The following NTMT1 variants were observed in gnomAD, a reference collection of about 807,000 sequenced individuals.
NTMT1 encodes the protein N-terminal Xaa-Pro-Lys N-methyltransferase 1.
NTMT1 carries 8 observed loss-of-function variants against 17.5 expected under a neutral mutation model. That is an observed-to-expected ratio of 0.46 (90% CI 0.27 to 0.82). The LOEUF is 0.82. NTMT1 is among the 40% of genes least tolerant of loss of function. NTMT1 has a pLI of 0.15. For synonymous variants in NTMT1, 128 were observed against 126.8 expected (o/e 1.01, Z -0.06); for missense variants, 221 against 303.5 (o/e 0.73, Z 2.02).
chr9:129,612,950 C>T (rs1264410865), intron 1 of NTMT1, among the ~76,000 whole-genome samples: 1 of 152,172 alleles, frequency 6.6e-6, no homozygotes, highest in African/African-American at 2.4e-5. Context: ...GATGCAGGAA[C>T]ACAGGGCGTG....
In NTMT1 at chr9:129,613,174, T is replaced by G; in HGVS notation, c.-55+3996T>G. ...GCTTCGCGGCCTCTGAGCAGCGGCC[T>G]TCTTCCATGAACAGAAGGGCAGGCT... On this transcript the variant is annotated intron_variant, in intron 1 of 3. Transcript: ENST00000372486. This position sits in a 1 kb window ranked among gnomAD's most constrained non-coding sequence, Gnocchi z 6.2. The G allele has an allele frequency of 6.2e-7, 1 of 1,613,722 alleles. No individual in the cohort carries two copies. The highest frequency in any genetic ancestry group is 8.5e-7 in the Non-Finnish European group (1 of 1,180,000).
Position 129,620,547 on chromosome 9 carries a change from C to G in NTMT1, c.-55+11369C>G. Reference sequence around the variant, plus strand: ...AGCCCCTTGGGCGCCAGGTCCTGGGCCCCTGGGCGAAGTCGACGCCAGAAC... The same window carrying G: ...AGCCCCTTGGGCGCCAGGTCCTGGGGCCCTGGGCGAAGTCGACGCCAGAAC... On this transcript the variant is annotated intron_variant, in intron 1 of 3. Coordinates refer to the NTMT1 transcript ENST00000372486. The surrounding 1 kb of genome is among the most constrained non-coding windows in gnomAD (Gnocchi z 5.8). 1 of 1,402,500 alleles carries G rather than the reference C, an allele frequency of 7.1e-7. No individual in the cohort carries two copies. The allele number at this position is 1,402,500 out of a possible 1,614,324, so 86.9% of individuals were successfully genotyped here.
At chr9:129,626,034 A>G (rs1197331085), upstream of NTMT1, 1 of 152,018 alleles carries the variant, frequency 6.6e-6, no homozygotes, top group Non-Finnish European at 1.5e-5. Context: ...AAAAAAATTT[A>G]AATTATTTTT....
At chr9:129,610,399 C>G (rs1205943520) in intron 1 of NTMT1, among the ~76,000 whole-genome samples, 2 of 151,852 alleles carry the variant, frequency 1.3e-5, no homozygotes, top group Non-Finnish European at 2.9e-5. Context: ...CACGCGGACT[C>G]CGGCTTCAGT....
rs1830655576 is a variant in NTMT1 at position 129,620,632 on chromosome 9, C to T, written c.-55+11454C>T. 5.5e-6 allele frequency: 7 copies of T among 1,277,336 alleles called. No individual in the cohort carries two copies. In the East Asian group the frequency reaches 2.1e-4, roughly 38 times the overall value. The allele number at this position is 1,277,336 out of a possible 1,614,324, so 79.1% of individuals were successfully genotyped here. A position where few individuals can be genotyped will look rare whatever the true frequency, so the allele number is the denominator to read the frequency against. On this transcript the variant is annotated intron_variant, in intron 1 of 3. Transcript: ENST00000372486. This position sits in a 1 kb window ranked among gnomAD's most constrained non-coding sequence, Gnocchi z 5.8. ...AGCGCGCGTGGGTGGGGGGCGCCGG[C>T]TGAGGTGGGGAGGGCATAGTCCAGC...
In NTMT1 at chr9:129,613,015, C is replaced by G; in HGVS notation, c.-55+3837C>G. The G allele has an allele frequency of 6.5e-7, 1 of 1,539,516 alleles. No individual in the cohort carries two copies. The highest frequency in any genetic ancestry group is 8.8e-7 in the Non-Finnish European group (1 of 1,135,800). On this transcript the variant is annotated intron_variant, in intron 1 of 3. Transcript: ENST00000372486. The surrounding 1 kb of genome is among the most constrained non-coding windows in gnomAD (Gnocchi z 6.2). ...TCTCAGGGAGGGTCCACTCCCAGCC[C>G]CAGCCACTCCACCAAACAGGGCTGC...
chr9:129,626,956 CG>C (rs1318945130), intron 1 of NTMT1, among the ~76,000 whole-genome samples: 5 of 152,142 alleles, frequency 3.3e-5, no homozygotes, highest in Admixed American at 1.3e-4. Flanking sequence ...GCCCTGACAG[CG>C]GGGAGGGACA....
chr9:129,613,200 G>C lies in NTMT1; in HGVS notation c.-55+4022G>C. ...TCTTCCATGAACAGAAGGGCAGGCT[G>C]CTGTTCATGGAGGTGTCCTCAGAAA... On this transcript the variant is annotated intron_variant, in intron 1 of 3. Coordinates refer to the NTMT1 transcript ENST00000372486. This position sits in a 1 kb window ranked among gnomAD's most constrained non-coding sequence, Gnocchi z 6.2. 1 of 1,613,554 alleles carries C rather than the reference G, an allele frequency of 6.2e-7. No homozygotes were observed. Among genetic ancestry groups the C allele is most frequent in the Non-Finnish European group, 8.5e-7 (1 of 1,179,986 alleles).
chr9:129,610,620 C>A (rs561462527), intron 1 of NTMT1, among the ~76,000 whole-genome samples: 2 of 151,974 alleles, frequency 1.3e-5, no homozygotes, highest in African/African-American at 4.8e-5. Flanking sequence ...GCGCGAGCGC[C>A]GCGCGAGGGG....
intron 1 of NTMT1, chr9:129,612,226 T>TG: frequency 2.6e-6 from 2 of 762,292 alleles, no homozygotes; most frequent in Non-Finnish European, 4.3e-6. Context: ...CAGAAAGGCT[T>TG]GTGGTGTGAC....
chr9:129,632,783 T>C lies in NTMT1; in HGVS notation c.80T>C (p.Val27Ala). ...TACTGGAAACAAATCCCACCCACGG[T>C]GGACGGCATGCTTGGGGGGTATGGC... ...KTYWKQIPPT[V>A]DGMLGGYGHI... is the part of the protein sequence containing the mutation. Residue 27 changes from valine (V) to alanine (A), a missense_variant, in exon 2 of 4, where the codon GTG (valine) becomes GCG (alanine). Coordinates refer to ENST00000372483, the MANE Select transcript of NTMT1 (RefSeq NM_014064.4). The C allele has an allele frequency of 6.2e-7, 1 of 1,614,186 alleles. No individual in the cohort carries two copies. The highest frequency in any genetic ancestry group is 1.1e-5 in the South Asian group (1 of 91,084).
chr9:129,610,770 G>T (rs976859470), intron 1 of NTMT1, among the ~76,000 whole-genome samples: 174 of 152,298 alleles, frequency 1.1e-3, no homozygotes, highest in African/African-American at 4.1e-3. Context: ...CGCGACCCTT[G>T]GGGTAAACTG....
At chr9:129,630,914 A>T (rs1277683608) in intron 1 of NTMT1, among the ~76,000 whole-genome samples, 1 of 151,946 alleles carries the variant, frequency 6.6e-6, no homozygotes. Flanking sequence ...TGCCATTCTC[A>T]CTCTGCCTCC....
chr9:129,632,615 C>G (rs1050541755), intron 1 of NTMT1, 35 bp from the exon 2 acceptor site: 15 of 1,529,380 alleles, frequency 9.8e-6, no homozygotes, highest in Non-Finnish European at 1.3e-5. Context: ...TGCCAGGTCC[C>G]TGGCCCGCTG....
At chr9:129,621,262 C>G (rs1379121868), upstream of NTMT1, among the ~76,000 whole-genome samples, 1 of 152,214 alleles carries the variant, frequency 6.6e-6, no homozygotes, top group Non-Finnish European at 1.5e-5. Context: ...GGTGGGGAGC[C>G]TGTTGAAAAT....
chr9:129,633,383 C>T (rs1831300936), intron 2 of NTMT1: 2 of 213,142 alleles, frequency 9.4e-6, no homozygotes, highest in East Asian at 2.0e-4. Context: ...CTCCATGTTC[C>T]CTCTCTGCAC....
intron 1 of NTMT1, among the ~76,000 whole-genome samples, chr9:129,631,544 C>T (rs1332083944): frequency 1.3e-5 from 2 of 152,242 alleles, no homozygotes; most frequent in African/African-American, 4.8e-5. Flanking sequence ...ATCCCCCTGC[C>T]ATCTCCACCG....
At chr9:129,630,653 G>A (rs1193123099) in intron 1 of NTMT1, among the ~76,000 whole-genome samples, 1 of 152,166 alleles carries the variant, frequency 6.6e-6, no homozygotes, top group Non-Finnish European at 1.5e-5. Flanking sequence ...TGTTGACCCT[G>A]TAGCTCCAGG....
rs1830199678 is a variant in NTMT1 at position 129,613,651 on chromosome 9, CCCCA to C, written c.-55+4477_-55+4480del. ...CTGCCCAGGAGGAGGGCACTGGTGC[CCCCA>C]CCCTCTTTTCCTCCCTCTGGCAGGC... On this transcript the variant is annotated intron_variant, in intron 1 of 3. Coordinates refer to the NTMT1 transcript ENST00000372486. This position sits in a 1 kb window ranked among gnomAD's most constrained non-coding sequence, Gnocchi z 6.2. 6.2e-7 allele frequency: 1 copy of C among 1,604,690 alleles called. No homozygotes were observed. Among genetic ancestry groups the C allele is most frequent in the Admixed American group, 1.7e-5 (1 of 59,668 alleles).
Sources: gnomAD v4.1 joint callset for allele counts (sites outside exome capture counted in the v4.1 genomes callset) on GRCh38, gnomAD v4.1.1 for gene constraint, Gnocchi (gnomAD v3.1) non-coding constraint, MANE v1.5 for transcripts, NCBI Gene and HGNC (gene_info 2026-07-23, HGNC 2026-07-21) for gene names.